RPAP2: variants seen among roughly 807,000 people sequenced by gnomAD.
The protein encoded by RPAP2 is RNA polymerase II associated protein 2.
RPAP2 carries 52 observed loss-of-function variants against 73.1 expected under a neutral mutation model. The ratio of observed to expected loss-of-function variants is 0.71; its 90% CI spans 0.57 to 0.90. The LOEUF (loss-of-function observed/expected upper bound fraction) is 0.90. Among genes scored for constraint, RPAP2 ranks in the 40% least tolerant of loss-of-function variants. RPAP2 has a pLI of 0.00. For missense variants in RPAP2, 598 were observed against 701.8 expected (o/e 0.85, Z 1.67); for synonymous variants, 225 against 242.1 (o/e 0.93, Z 0.65).
intron 11 of RPAP2, among the ~76,000 whole-genome samples, chr1:92,380,517 T>C (rs1655584202): frequency 6.6e-6 from 1 of 152,248 alleles, no homozygotes; most frequent in South Asian, 2.1e-4. Flanking sequence ...TAGGCTTTTA[T>C]ACTTCTTTCA....
At chr1:92,309,420 G>A (rs1557591581) in intron 6 of RPAP2, among the ~76,000 whole-genome samples, 1 of 138,102 alleles carries the variant, frequency 7.2e-6, no homozygotes, top group Non-Finnish European at 1.5e-5. Context: ...CCAGCCTGGT[G>A]ACAGAGCAAG....
intron 6 of RPAP2, among the ~76,000 whole-genome samples, chr1:92,315,419 CTG>C (rs1651849545): frequency 6.6e-6 from 1 of 152,172 alleles, no homozygotes; most frequent in Admixed American, 6.5e-5. Flanking sequence ...AATTACCAAA[CTG>C]TGACACAGAG....
In RPAP2 at chr1:92,345,918, A is replaced by G; in HGVS notation, c.1688+4A>G. 6.3e-7 allele frequency: 1 copy of G among 1,586,410 alleles called. No homozygotes were observed. Among genetic ancestry groups the G allele is most frequent in the Non-Finnish European group, 8.6e-7 (1 of 1,156,772 alleles). ...TTGCTATGGTGTTGCTGTCATTGTA[A>G]GTACTCTCTCAGATTTTAACTCTAA... On this transcript the variant is annotated splice_donor_region_variant and intron_variant, in intron 11 of 12. Coordinates refer to ENST00000610020, the MANE Select transcript of RPAP2 (RefSeq NM_024813.3).
rs1655913879 is a variant in RPAP2 at position 92,387,686 on chromosome 1, T to A, written c.*675T>A. The A allele has an allele frequency of 6.6e-6, 1 of 152,164 alleles. No homozygotes were observed. The highest frequency in any genetic ancestry group is 1.5e-5 in the Non-Finnish European group (1 of 68,024). 9.4% of individuals were successfully genotyped at this position (152,164 alleles called of 1,614,324 possible). A position where few individuals can be genotyped will look rare whatever the true frequency, so the allele number is the denominator to read the frequency against. ...CTTTACTGGAAGGCCAAGAAAATAC[T>A]CTTGGACACTGGAGGAAATGACAGC... is the stretch of plus-strand genomic sequence containing the variant. On this transcript the variant is annotated 3_prime_UTR_variant, in exon 13 of 13. Transcript: ENST00000610020.
chr1:92,347,780 T>C (rs1653982423), intron 11 of RPAP2, among the ~76,000 whole-genome samples: 1 of 152,194 alleles, frequency 6.6e-6, no homozygotes, highest in Non-Finnish European at 1.5e-5. Flanking sequence ...TTCTTTAACT[T>C]TGGATATAAT....
At chr1:92,302,947 C>G (rs911565776) in intron 3 of RPAP2, among the ~76,000 whole-genome samples, 3 of 151,650 alleles carry the variant, frequency 2.0e-5, no homozygotes, top group African/African-American at 7.3e-5. Context: ...ACCTGTAATC[C>G]CAGCACTTTG....
intron 11 of RPAP2, among the ~76,000 whole-genome samples, chr1:92,350,646 T>C (rs549500607): frequency 6.6e-6 from 1 of 152,364 alleles, no homozygotes; most frequent in South Asian, 2.1e-4. Flanking sequence ...TATATATAGA[T>C]TGTCTTCTAT....
rs115955131 is a variant in RPAP2 at position 92,312,457 on chromosome 1, C to T, written c.488+5181C>T. On this transcript the variant is annotated intron_variant, in intron 6 of 12. Coordinates refer to ENST00000610020, the MANE Select transcript of RPAP2 (RefSeq NM_024813.3). ...AATTGAAGTCAGTCCTCTCAAACTT[C>T]ATTGCTGCTTATCAGCTAAGTTTAT... Among the ~76,000 whole-genome samples the T allele has an allele frequency of 2.5e-3, 384 of 152,078 alleles. 3 individuals are homozygous for T. Among genetic ancestry groups the T allele is most frequent in the South Asian group, 9.3e-3 (45 of 4,820 alleles).
chr1:92,333,530 A>T (rs979069952), intron 9 of RPAP2, 57 bp downstream of exon 9: 2 of 1,194,148 alleles, frequency 1.7e-6, no homozygotes, highest in African/African-American at 3.0e-5. Flanking sequence ...CTTGACATTT[A>T]AGCTCATAAT....
At chr1:92,353,976 A>AT (rs1654339303) in intron 11 of RPAP2, among the ~76,000 whole-genome samples, 1 of 151,984 alleles carries the variant, frequency 6.6e-6, no homozygotes, top group Admixed American at 6.6e-5. Flanking sequence ...TTTTTTATTC[A>AT]TAAGTAGTTG....
chr1:92,380,105 C>G (rs906644360), intron 11 of RPAP2, among the ~76,000 whole-genome samples: 22 of 150,836 alleles, frequency 1.5e-4, no homozygotes, highest in Non-Finnish European at 2.5e-4. Flanking sequence ...TGGTGAAACC[C>G]CGTCTCTACC....
At position 92,392,296 on chromosome 1, in the gene RPAP2, C is replaced by T. The variant is rs1479597254; in HGVS notation, c.*5285C>T. 1 of 152,098 alleles carries T rather than the reference C, an allele frequency of 6.6e-6. No homozygotes were observed. The highest frequency in any genetic ancestry group is 2.4e-5 in the African/African-American group (1 of 41,400). 9.4% of individuals were successfully genotyped at this position (152,098 alleles called of 1,614,324 possible). On this transcript the variant is annotated 3_prime_UTR_variant, in exon 13 of 13. Transcript: ENST00000610020. ...AACGGCAAAAACCACATGATTATCT[C>T]AATAGATACAAAAAAGGCCTTCAAC...
intron 5 of RPAP2, 127 bp downstream of exon 5, chr1:92,304,476 T>C (rs1651069295): frequency 2.0e-6 from 1 of 506,020 alleles, no homozygotes; most frequent in Non-Finnish European, 3.4e-6. Flanking sequence ...AAAATCTTAC[T>C]GGTTAGAAAA....
intron 8 of RPAP2, among the ~76,000 whole-genome samples, chr1:92,326,169 T>G (rs572119401): frequency 6.6e-6 from 1 of 152,270 alleles, no homozygotes; most frequent in South Asian, 2.1e-4. Context: ...TTTCCTTGAT[T>G]CCATGTCCTC....
At chr1:92,315,900 C>T (rs886738338) in intron 6 of RPAP2, among the ~76,000 whole-genome samples, 23 of 152,126 alleles carry the variant, frequency 1.5e-4, no homozygotes, top group Non-Finnish European at 1.8e-4. Flanking sequence ...TGGGTCGTGA[C>T]GCACTGTGAT....
intron 6 of RPAP2, among the ~76,000 whole-genome samples, chr1:92,315,970 TAG>T (rs1323037863): frequency 1.3e-5 from 2 of 152,224 alleles, no homozygotes; most frequent in African/African-American, 4.8e-5. Context: ...ACAGACCACA[TAG>T]AGTTTTGATG....
intron 7 of RPAP2, among the ~76,000 whole-genome samples, chr1:92,321,615 C>G (rs921833526): frequency 1.3e-5 from 2 of 152,102 alleles, no homozygotes; most frequent in Admixed American, 1.3e-4. Flanking sequence ...CTACTGTTGC[C>G]TTCCCTTTTT....
chr1:92,376,145 T>C (rs1655379725), intron 11 of RPAP2, among the ~76,000 whole-genome samples: 1 of 152,104 alleles, frequency 6.6e-6, no homozygotes. Context: ...TTAGATGTTA[T>C]AAGTAATGTA....
intron 11 of RPAP2, among the ~76,000 whole-genome samples, chr1:92,379,070 G>A (rs774403102): frequency 6.6e-6 from 1 of 152,190 alleles, no homozygotes; most frequent in Non-Finnish European, 1.5e-5. Flanking sequence ...GCCATATTTG[G>A]ACAATTCTGA....
Sources: allele counts gnomAD v4.1 joint callset (sites outside exome capture counted in the v4.1 genomes callset), GRCh38; gene constraint gnomAD v4.1.1; transcripts MANE v1.5; gene names NCBI Gene and HGNC (gene_info 2026-07-23, HGNC 2026-07-21).